Variants in TMEM266 observed in about 807,000 individuals in gnomAD.
TMEM266 encodes transmembrane protein 266.
A neutral mutation model predicts 50.5 loss-of-function variants in TMEM266; 33 were observed. That is an observed-to-expected ratio of 0.65 (90% CI 0.50 to 0.87). TMEM266 has a LOEUF of 0.87. Ranked by LOEUF, TMEM266 falls within the 40% of genes least tolerant of loss-of-function variation. The probability of loss-of-function intolerance (pLI) is 0.00; values close to 1 mark genes in which losing one functional copy is unlikely to be tolerated. For missense variants in TMEM266, 655 were observed against 695.1 expected (o/e 0.94, Z 0.65); for synonymous variants, 310 against 292.3 (o/e 1.06, Z -0.62).
At chr15:76,060,198 C>T (rs1456479630) in intron 1 of TMEM266, among the ~76,000 whole-genome samples, 182 bp downstream of exon 1, 1 of 152,068 alleles carries the variant, frequency 6.6e-6, no homozygotes, top group Non-Finnish European at 1.5e-5. Flanking sequence ...GTGCGTGGGG[C>T]AGCCCAGGGC....
At chr15:76,151,622 G>T (rs977960306) in intron 3 of TMEM266, among the ~76,000 whole-genome samples, 6 of 152,044 alleles carry the variant, frequency 3.9e-5, no homozygotes, top group Non-Finnish European at 5.9e-5. Flanking sequence ...GATGCTCCAG[G>T]GCTGCTTGAC....
chr15:76,086,080 A>G (rs2036773057), intron 1 of TMEM266, among the ~76,000 whole-genome samples: 3 of 152,000 alleles, frequency 2.0e-5, no homozygotes, highest in Non-Finnish European at 4.4e-5. Context: ...AAAAATGTCC[A>G]TAACAACTTT....
At chr15:76,083,590 T>G (rs967218467) in intron 1 of TMEM266, among the ~76,000 whole-genome samples, 8 of 152,210 alleles carry the variant, frequency 5.3e-5, no homozygotes, top group Non-Finnish European at 1.0e-4. Context: ...AAGCCTTCCA[T>G]GCCCTCACCC....
intron 9 of TMEM266, among the ~76,000 whole-genome samples, chr15:76,199,389 A>G (rs1015090794): frequency 2.0e-5 from 3 of 152,220 alleles, no homozygotes; most frequent in Non-Finnish European, 4.4e-5. Context: ...TGATAGACTG[A>G]GCCAGGACTC....
In TMEM266 at chr15:76,153,772, G is replaced by A. The variant is rs1190025419; in HGVS notation, c.228-2832G>A. On this transcript the variant is annotated intron_variant, in intron 3 of 10. Coordinates refer to ENST00000388942, the MANE Select transcript of TMEM266 (RefSeq NM_152335.3). This position sits in a 1 kb window ranked among gnomAD's most constrained non-coding sequence, Gnocchi z 4.2. ...GAAAAGAAGCAGGGGGAGTAGGTGAGGCCGGAAGGAAGAATCAGGAGGTGA... is the reference window on the plus strand; with the variant it reads ...GAAAAGAAGCAGGGGGAGTAGGTGAAGCCGGAAGGAAGAATCAGGAGGTGA... Among the ~76,000 whole-genome samples, 1 of 152,164 alleles carries A rather than the reference G, an allele frequency of 6.6e-6. No homozygotes were observed. Among genetic ancestry groups the A allele is most frequent in the Non-Finnish European group, 1.5e-5 (1 of 68,024 alleles).
chr15:76,061,674 G>A (rs2036306587), intron 1 of TMEM266, among the ~76,000 whole-genome samples: 1 of 152,164 alleles, frequency 6.6e-6, no homozygotes, highest in African/African-American at 2.4e-5. Flanking sequence ...ATAAAAAGTG[G>A]GGTCCAAGAT....
intron 1 of TMEM266, among the ~76,000 whole-genome samples, chr15:76,077,829 G>A (rs1159962074): frequency 1.3e-5 from 2 of 152,094 alleles, no homozygotes; most frequent in African/African-American, 4.8e-5. Flanking sequence ...GAGAGAATAA[G>A]TTTCTGTTGT....
intron 1 of TMEM266, among the ~76,000 whole-genome samples, chr15:76,120,129 G>T (rs2037317962): frequency 6.6e-6 from 1 of 151,144 alleles, no homozygotes; most frequent in South Asian, 2.1e-4. Flanking sequence ...TCACTACTGG[G>T]AATCTATTCC....
At chr15:76,107,718 T>C (rs565318355) in intron 1 of TMEM266, among the ~76,000 whole-genome samples, 3 of 152,210 alleles carry the variant, frequency 2.0e-5, no homozygotes, top group Admixed American at 1.3e-4. Flanking sequence ...GGCTCAAATA[T>C]AGTATTTGAA....
chr15:76,066,640 TA>T (rs111952608), intron 1 of TMEM266, among the ~76,000 whole-genome samples: 8,355 of 135,982 alleles, frequency 0.061, 627 homozygotes, highest in African/African-American at 0.18. Flanking sequence ...GCTGCCTACT[TA>T]AAAAAAAAAA....
chr15:76,140,248 C>T (rs888378181), intron 3 of TMEM266, among the ~76,000 whole-genome samples: 1 of 152,200 alleles, frequency 6.6e-6, no homozygotes, highest in African/African-American at 2.4e-5. Flanking sequence ...AGAGGGCTTC[C>T]TGGAGGAAGG....
intron 1 of TMEM266, among the ~76,000 whole-genome samples, chr15:76,133,443 A>AG (rs2037544760): frequency 1.3e-5 from 2 of 152,126 alleles, no homozygotes; most frequent in South Asian, 4.1e-4. Context: ...TCTAAAAAAA[A>AG]TAAATAAATA....
At chr15:76,082,559 GA>G (rs371732573) in intron 1 of TMEM266, among the ~76,000 whole-genome samples, 1 of 152,326 alleles carries the variant, frequency 6.6e-6, no homozygotes, top group South Asian at 2.1e-4. Context: ...GTGCAGATGT[GA>G]AATAATCAGT....
chr15:76,102,336 G>A (rs1391004075), intron 1 of TMEM266, among the ~76,000 whole-genome samples: 4 of 152,146 alleles, frequency 2.6e-5, no homozygotes. Context: ...GGTGAGACAT[G>A]TTCTGAAGAA....
intron 1 of TMEM266, among the ~76,000 whole-genome samples, chr15:76,092,323 C>A (rs2036860119): frequency 6.6e-6 from 1 of 152,058 alleles, no homozygotes. Context: ...GAACAGAACA[C>A]AAATTATTTA....
rs188208432 is a variant in TMEM266 at position 76,078,815 on chromosome 15, A to G, written c.-97+18799A>G. ...AAACTGGGTGGCTTAAAACAATGGA[A>G]ATTTATTCTCTCACAGTTCTGGAGG... On this transcript the variant is annotated intron_variant, in intron 1 of 10. Coordinates refer to ENST00000388942, the MANE Select transcript of TMEM266 (RefSeq NM_152335.3). Among the ~76,000 whole-genome samples, 130 of 152,278 alleles carry G rather than the reference A, an allele frequency of 8.5e-4. 1 individual carries two copies. Among genetic ancestry groups the G allele is most frequent in the Non-Finnish European group, 2.4e-4 (16 of 68,038 alleles).
intron 1 of TMEM266, among the ~76,000 whole-genome samples, chr15:76,088,523 C>T (rs1189654151): frequency 1.3e-5 from 2 of 151,976 alleles, no homozygotes; most frequent in Non-Finnish European, 2.9e-5. Context: ...GTGGTTGGGC[C>T]CAGTGGCTCA....
chr15:76,129,833 T>G (rs1370889146), intron 1 of TMEM266, among the ~76,000 whole-genome samples: 1 of 152,078 alleles, frequency 6.6e-6, no homozygotes, highest in African/African-American at 2.4e-5. Flanking sequence ...TTAATCATAA[T>G]GTGTGGCCTC....
rs1298960935 is a variant in TMEM266 at position 76,061,990 on chromosome 15, T to G, written c.-97+1974T>G. On this transcript the variant is annotated intron_variant, in intron 1 of 10. Coordinates refer to ENST00000388942, the MANE Select transcript of TMEM266 (RefSeq NM_152335.3). ...TGTAGCAATTATGCATTCAAAGTTC[T>G]TGGAATCTCTGCATTCAGCTATGGA... 2.6e-5 allele frequency among the ~76,000 whole-genome samples: 4 copies of G among 152,344 alleles called. No homozygotes were observed. In the East Asian group the frequency reaches 7.7e-4, roughly 29 times the overall value.
Sources: gnomAD v4.1 joint callset for allele counts (sites outside exome capture counted in the v4.1 genomes callset) on GRCh38, gnomAD v4.1.1 for gene constraint, Gnocchi (gnomAD v3.1) non-coding constraint, MANE v1.5 for transcripts, NCBI Gene and HGNC (gene_info 2026-07-23, HGNC 2026-07-21) for gene names.